PXK: variants seen among roughly 807,000 people sequenced by gnomAD.
PXK encodes PX domain-containing protein kinase-like protein.
In PXK, 35 loss-of-function variants were observed where a neutral mutation model predicts 84.7. The ratio of observed to expected loss-of-function variants is 0.41; its 90% confidence interval spans 0.32 to 0.55. PXK has a LOEUF of 0.55. Ranked by LOEUF, PXK falls within the 20% of genes least tolerant of loss-of-function variation. The pLI is 0.21. For missense variants in PXK, 634 were observed against 699.7 expected, an observed-to-expected ratio of 0.91 and a Z score of 1.06; for synonymous variants, 253 against 260.8, an observed-to-expected ratio of 0.97 and a Z score of 0.29.
chr3:58,382,476 G>A, intron 3 of PXK, 38 bp from the exon 4 acceptor site: 3 of 1,442,262 alleles, frequency 2.1e-6, no homozygotes, highest in Non-Finnish European at 1.8e-6. Context: ...CTTATTTGTG[G>A]ATGACATGAG....
chr3:58,424,245 A>C (rs12492472), intron 17 of PXK, among the ~76,000 whole-genome samples: 35,767 of 152,168 alleles, frequency 0.24, 5,939 homozygotes, highest in East Asian at 0.8. Context: ...GTCATTTTAC[A>C]TAAGATCACA....
rs989948394 is a variant in PXK, at chr3:58,399,956, C to T, written c.1181+579C>T. On this transcript the variant is annotated intron_variant, in intron 12 of 17. Transcript: ENST00000356151. The surrounding 1 kb of genome is among the most constrained non-coding windows in gnomAD (Gnocchi z 4.3). ...TGAAACTGGATTATGAGTAGATAAC[C>T]AGGGCAGCTGAAATAGTGCTGTGGG... 1.3e-5 allele frequency among the ~76,000 whole-genome samples: 2 copies of T among 152,018 alleles called. No homozygotes were observed. Among genetic ancestry groups the T allele is most frequent in the Admixed American group, 6.6e-5 (1 of 15,242 alleles).
At chr3:58,402,054 C>T (rs1198807261) in intron 12 of PXK, among the ~76,000 whole-genome samples, 2 of 152,022 alleles carry the variant, frequency 1.3e-5, no homozygotes, top group African/African-American at 4.8e-5. Flanking sequence ...AAGACTCCAT[C>T]TCTTTAAAAA....
intron 12 of PXK, 58 bp from the exon 13 acceptor site, chr3:58,403,804 C>A: frequency 8.5e-7 from 1 of 1,172,450 alleles, no homozygotes; most frequent in South Asian, 1.7e-5. Context: ...TGCTTTCATC[C>A]TAGTCTGAGA....
chr3:58,413,013 G>A, intron 17 of PXK, 50 bp downstream of exon 17: 1 of 1,577,106 alleles, frequency 6.3e-7, no homozygotes. Flanking sequence ...GCCAACAGGA[G>A]GAGCGGGCTG....
rs757647159 is a variant in PXK at position 58,382,552 on chromosome 3, G to C, written c.240G>C (p.Leu80Phe). Residue 80 changes from leucine to phenylalanine, a missense_variant, in exon 4 of 18, where the codon TTG (leucine) becomes TTC (phenylalanine). Leu to Phe is a conservative substitution (Grantham distance 22, BLOSUM62 0). Coordinates refer to ENST00000356151, the MANE Select transcript of PXK (RefSeq NM_017771.5). ...GLSLPLPPKK[L>F]IGNMDREFIA... ...GTCTACCTCTTCCTCCCAAAAAATT[G>C]ATTGGTAACATGGATCGTGAATTCA... 4.5e-6 allele frequency: 7 copies of C among 1,557,202 alleles called. No individual in the cohort carries two copies. Among genetic ancestry groups the C allele is most frequent in the Non-Finnish European group, 2.6e-6 (3 of 1,154,034 alleles).
Position 58,398,309 on chromosome 3 carries a change from G to C in PXK, c.1102+587G>C, listed in dbSNP as rs900375799. ...CCAGCTTTTTGGGAGGCTGAGGCAC[G>C]AGAATTGCTTGAACCCGCCTCTTGG... On this transcript the variant is annotated intron_variant, in intron 11 of 17. Transcript: ENST00000356151. This position sits in a 1 kb window ranked among gnomAD's most constrained non-coding sequence, Gnocchi z 4.5. Among the ~76,000 whole-genome samples, 1 of 152,344 alleles carries C rather than the reference G, an allele frequency of 6.6e-6. No individual in the cohort carries two copies. The highest frequency in any genetic ancestry group is 1.9e-4 in the East Asian group (1 of 5,186).
intron 1 of PXK, among the ~76,000 whole-genome samples, chr3:58,338,718 C>T (rs1385214553): frequency 4.1e-5 from 6 of 148,014 alleles, no homozygotes; most frequent in Non-Finnish European, 7.4e-5. Flanking sequence ...TGGAGTCTTG[C>T]TCTGTCCCCC....
rs187757519 is a variant in PXK at position 58,426,032 on chromosome 3, C to G, written c.*1072C>G. 5.9e-5 allele frequency: 9 copies of G among 152,320 alleles called. No individual in the cohort carries two copies. The highest frequency in any genetic ancestry group is 2.2e-4 in the African/African-American group (9 of 41,580). The allele number at this position is 152,320 out of a possible 1,614,324, so 9.4% of individuals were successfully genotyped here. A position where few individuals can be genotyped will look rare whatever the true frequency, so the allele number is the denominator to read the frequency against. ...AAATCATGTCAAGAAAACGTGTTGT[C>G]TGTAGCTTGACAAGATATTTCAAAT... is the stretch of plus-strand genomic sequence containing the variant. On this transcript the variant is annotated 3_prime_UTR_variant, in exon 18 of 18. Transcript: ENST00000356151.
At chr3:58,340,922 C>CA (rs1281720089) in intron 1 of PXK, among the ~76,000 whole-genome samples, 1 of 151,210 alleles carries the variant, frequency 6.6e-6, no homozygotes, top group Non-Finnish European at 1.5e-5. Flanking sequence ...TTTTAGAAGT[C>CA]ATAAGAGCTT....
intron 7 of PXK, 36 bp downstream of exon 7, chr3:58,391,883 T>C (rs1441673682): frequency 3.9e-6 from 6 of 1,540,198 alleles, no homozygotes; most frequent in Non-Finnish European, 5.4e-6. Context: ...TCAGTGCTGA[T>C]GATAGAGTCA....
chr3:58,353,908 G>A (rs1327118353), intron 1 of PXK, among the ~76,000 whole-genome samples: 1 of 152,232 alleles, frequency 6.6e-6, no homozygotes, highest in Non-Finnish European at 1.5e-5. Flanking sequence ...GATTTACCCT[G>A]TGAGCCAGTG....
intron 1 of PXK, among the ~76,000 whole-genome samples, chr3:58,363,416 C>A (rs2098221745): frequency 1.3e-5 from 2 of 152,158 alleles, no homozygotes; most frequent in Non-Finnish European, 2.9e-5. Flanking sequence ...GCAGTCATGA[C>A]CTTCCGGGCT....
intron 17 of PXK, chr3:58,422,311 G>C: frequency 1.0e-6 from 1 of 985,304 alleles, no homozygotes; most frequent in African/African-American, 1.7e-5. Context: ...GCTGGGTCTG[G>C]CCTTCCTTGC....
chr3:58,358,653 A>C (rs950046298), intron 1 of PXK, among the ~76,000 whole-genome samples: 1 of 152,156 alleles, frequency 6.6e-6, no homozygotes, highest in African/African-American at 2.4e-5. Context: ...TGTGCATTAC[A>C]GGACATTTAG....
intron 1 of PXK, among the ~76,000 whole-genome samples, chr3:58,335,009 G>C (rs1224886755): frequency 7.6e-6 from 1 of 131,488 alleles, no homozygotes; most frequent in Non-Finnish European, 1.6e-5. Flanking sequence ...TCACCATGTT[G>C]TCCAGGCTGG....
chr3:58,395,068 A>G lies in PXK; in HGVS notation c.686A>G (p.Asn229Ser). 3 of 1,613,232 alleles carry G rather than the reference A, an allele frequency of 1.9e-6. No homozygotes were observed. The highest frequency in any genetic ancestry group is 2.5e-6 in the Non-Finnish European group (3 of 1,179,202). The change falls in exon 8 of 18, where the codon AAC (asparagine) becomes AGC (serine). Residue 229 changes from asparagine (N) to serine (S), a missense_variant. Around this residue, in one of 3 missense-constraint regions of PXK, gnomAD observed 353 missense variants for 385.2 expected, o/e 0.92. Transcript: ENST00000356151. ...TCAGCGTTGCTAATTAGGATGTTTA[A>G]CGAAAAGGGAACATTGAAGGATCTG... Reference protein sequence around the residue: ...ESSALLIRMFNEKGTLKDLIY... With the variant: ...ESSALLIRMFSEKGTLKDLIY...
intron 12 of PXK, among the ~76,000 whole-genome samples, chr3:58,402,900 C>T (rs558316338): frequency 2.4e-4 from 36 of 151,872 alleles, no homozygotes; most frequent in Non-Finnish European, 4.4e-4. Flanking sequence ...TATTTCATCA[C>T]CCAGCTATTA....
intron 3 of PXK, among the ~76,000 whole-genome samples, chr3:58,373,486 C>T (rs1314331366): frequency 2.0e-5 from 3 of 152,162 alleles, no homozygotes; most frequent in Non-Finnish European, 4.4e-5. Context: ...TAGAATTTTA[C>T]TGCCCATTGT....
Sources: allele counts gnomAD v4.1 joint callset (sites outside exome capture counted in the v4.1 genomes callset), GRCh38; gene constraint gnomAD v4.1.1; regional missense constraint gnomAD v4.1.1; non-coding constraint Gnocchi (gnomAD v3.1); transcripts MANE v1.5; gene names NCBI Gene and HGNC (gene_info 2026-07-23, HGNC 2026-07-21).